USP39: variants seen among roughly 807,000 people sequenced by gnomAD.
USP39 encodes ubiquitin carboxyl-terminal hydrolase 39.
A neutral mutation model predicts 66.4 loss-of-function variants in USP39; 38 were observed. That is an observed-to-expected ratio of 0.57 (90% confidence interval 0.44 to 0.75). USP39 has a LOEUF of 0.75. Among genes scored for constraint, USP39 ranks in the 30% least tolerant of loss-of-function variants. USP39 has a pLI of 0.00. For missense variants in USP39, 608 were observed against 714.4 expected, an observed-to-expected ratio of 0.85 and a Z score of 1.70; for synonymous variants, 303 against 274.6, an observed-to-expected ratio of 1.10 and a Z score of -1.02.
intron 5 of USP39, among the ~76,000 whole-genome samples, chr2:85,627,517 A>G (rs1210190753): frequency 1.3e-5 from 2 of 150,428 alleles, no homozygotes; most frequent in Admixed American, 1.3e-4. Flanking sequence ...GGGGCTGGGC[A>G]TGGTGGCTCA....
intron 5 of USP39, among the ~76,000 whole-genome samples, chr2:85,626,743 A>AG (rs1330230124): frequency 6.7e-6 from 1 of 148,956 alleles, no homozygotes; most frequent in Admixed American, 6.8e-5. Context: ...TTTGAGACGG[A>AG]GTCTCAGTCT....
Position 85,621,471 on chromosome 2 carries a change from T to C in USP39, c.339-14T>C. The C allele has an allele frequency of 6.2e-7, 1 of 1,613,014 alleles. No individual in the cohort carries two copies. The highest frequency in any genetic ancestry group is 8.5e-7 in the Non-Finnish European group (1 of 1,179,228). ...TGTCCATCCTATTTATTTTTTTCTG[T>C]TTTGTTTCCTTAGGAGTGTGCTGGA... On this transcript the variant is annotated splice_polypyrimidine_tract_variant and intron_variant, in intron 2 of 12. Coordinates refer to ENST00000323701, the MANE Select transcript of USP39 (RefSeq NM_006590.4).
intron 8 of USP39, among the ~76,000 whole-genome samples, chr2:85,637,860 C>G (rs1336169077): frequency 1.3e-5 from 2 of 151,958 alleles, no homozygotes. Flanking sequence ...CCACGCCCAG[C>G]TAATTTTGTA....
chr2:85,635,532 C>G lies in USP39; in HGVS notation c.950-521C>G, dbSNP rs1675697672. ...CTGAGATCATGCCACTGCACTCCAG[C>G]CTGGGCGACAGAGTGAGACTCTGTC... On this transcript the variant is annotated intron_variant, in intron 6 of 12. Coordinates refer to ENST00000323701, the MANE Select transcript of USP39 (RefSeq NM_006590.4). Among the ~76,000 whole-genome samples, 4 of 152,068 alleles carry G rather than the reference C, an allele frequency of 2.6e-5. No homozygotes were observed. The South Asian group carries it at 8.3e-4, about 32-fold the overall frequency.
chr2:85,611,190 A>G, upstream of USP39: 1 of 1,091,072 alleles, frequency 9.2e-7, no homozygotes, highest in Non-Finnish European at 1.1e-6. Context: ...CCTGGGCGAC[A>G]GAGACCTAGT....
upstream of USP39, chr2:85,611,942 G>C: frequency 1.3e-6 from 2 of 1,581,806 alleles, no homozygotes; most frequent in Non-Finnish European, 1.7e-6. Flanking sequence ...CGCCCCCCAG[G>C]CTTGCAGCAG....
chr2:85,623,830 TC>T, intron 4 of USP39, 48 bp downstream of exon 4: 2 of 1,547,808 alleles, frequency 1.3e-6, no homozygotes, highest in African/African-American at 1.4e-5. Flanking sequence ...TAATGAGCCA[TC>T]CCAGGGCTCC....
At chr2:85,639,426 A>T in intron 9 of USP39, 35 bp downstream of exon 9, 3 of 1,494,282 alleles carry the variant, frequency 2.0e-6, no homozygotes, top group Non-Finnish European at 1.8e-6. Flanking sequence ...GCCTATACTT[A>T]CCCTCGCTCT....
upstream of USP39, chr2:85,609,177 C>T: frequency 6.9e-7 from 1 of 1,443,788 alleles, no homozygotes; most frequent in South Asian, 1.3e-5. Flanking sequence ...GGCTTTTTGC[C>T]AGCACCTGTC....
At chr2:85,638,493 C>T (rs1359478102) in intron 8 of USP39, among the ~76,000 whole-genome samples, 3 of 151,838 alleles carry the variant, frequency 2.0e-5, no homozygotes, top group Admixed American at 6.6e-5. Context: ...ACCACCACAC[C>T]GGGCTAATTT....
At chr2:85,611,737 TC>T, upstream of USP39, 1 of 1,609,998 alleles carries the variant, frequency 6.2e-7, no homozygotes, top group Non-Finnish European at 8.5e-7. Context: ...GTGTGCCGCC[TC>T]CTCACCTTCT....
At chr2:85,613,355 A>G (rs1393232745), upstream of USP39, among the ~76,000 whole-genome samples, 1 of 152,114 alleles carries the variant, frequency 6.6e-6, no homozygotes, top group African/African-American at 2.4e-5. Context: ...AAAAAAAAAT[A>G]CAAAAAATTA....
intron 5 of USP39, among the ~76,000 whole-genome samples, chr2:85,627,124 AG>A (rs940239032): frequency 1.3e-5 from 2 of 149,494 alleles, no homozygotes; most frequent in African/African-American, 4.9e-5. Flanking sequence ...TTTTTTTTAG[AG>A]GGAGTCTGTC....
chr2:85,603,595 C>CTTT (rs767019412), intron 1 of USP39, among the ~76,000 whole-genome samples: 2 of 143,092 alleles, frequency 1.4e-5, no homozygotes, highest in African/African-American at 2.6e-5. Flanking sequence ...TTTTCTTTTT[C>CTTT]TTTTTTTTTT....
At chr2:85,605,729 G>C (rs891680235) in intron 1 of USP39, among the ~76,000 whole-genome samples, 10 of 152,136 alleles carry the variant, frequency 6.6e-5, no homozygotes, top group African/African-American at 9.7e-5. Context: ...GCCATTCAGA[G>C]ATCCTGTCAA....
chr2:85,611,933 GC>G, upstream of USP39: 8 of 1,585,618 alleles, frequency 5.0e-6, no homozygotes, highest in African/African-American at 1.4e-5. Flanking sequence ...ATGTCCAGCC[GC>G]CCCCCAGGCT....
Position 85,639,383 on chromosome 2 carries a change from A to G in USP39, c.1276A>G (p.Thr426Ala), listed in dbSNP as rs754301836. 1.9e-6 allele frequency: 3 copies of G among 1,613,142 alleles called. No homozygotes were observed. The highest frequency in any genetic ancestry group is 1.3e-5 in the African/African-American group (1 of 74,660). The part of the protein sequence containing the change: ...FNILAKFNGI[T>A]EKEYKTYKEN... ...CATCCTGGCTAAGTTCAATGGCATC[A>G]CTGAGAAGGTAGCCCATTAACACAC... Residue 426 changes from threonine to alanine, a missense_variant, in exon 9 of 13, where the codon ACT becomes GCT. By Grantham distance (58) the Thr-to-Ala change is moderately conservative. Coordinates refer to ENST00000323701, the MANE Select transcript of USP39 (RefSeq NM_006590.4).
chr2:85,616,382 C>T lies in USP39; in HGVS notation c.187C>T (p.Pro63Ser). 6 of 1,602,870 alleles carry T rather than the reference C, an allele frequency of 3.7e-6. No individual in the cohort carries two copies. The highest frequency in any genetic ancestry group is 5.1e-6 in the Non-Finnish European group (6 of 1,174,934). Residue 63 changes from proline to serine, a missense_variant, in exon 1 of 13, where the codon CCG (proline) becomes TCG (serine). By Grantham distance (74) the Pro-to-Ser change is moderately conservative. Transcript: ENST00000323701. ...CGAGCCGGCGAGCGCGCGCGAGGCC[C>T]CGGCTTCTGTTGTCCCGTTTGTGCG... ...EFEPASAREA[P>S]ASVVPFVRVK...
upstream of USP39, chr2:85,609,646 T>C (rs1673375529): frequency 6.3e-7 from 1 of 1,588,926 alleles, no homozygotes; most frequent in Non-Finnish European, 8.6e-7. Flanking sequence ...GCCCTGTCCA[T>C]AGAGATGCTG....
Sources: allele counts gnomAD v4.1 joint callset (sites outside exome capture counted in the v4.1 genomes callset), GRCh38; gene constraint gnomAD v4.1.1; transcripts MANE v1.5; gene names NCBI Gene and HGNC (gene_info 2026-07-23, HGNC 2026-07-21).